GRID2: variants seen among roughly 807,000 people sequenced by gnomAD.
GRID2 encodes glutamate ionotropic receptor delta type subunit 2, also known as glutamate receptor ionotropic, delta-2.
A neutral mutation model predicts 114.8 loss-of-function variants in GRID2; 33 were observed. The observed-to-expected ratio is 0.29, with a 90% CI of 0.22 to 0.38. The LOEUF is 0.38. Ranked by LOEUF, GRID2 falls within the 10% of genes least tolerant of loss-of-function variation. The pLI is 1.00. For synonymous variants in GRID2, 505 were observed against 449.9 expected (o/e 1.12, Z -1.55); for missense variants, 1,184 against 1,257.7 (o/e 0.94, Z 0.89).
intron 13 of GRID2, among the ~76,000 whole-genome samples, chr4:93,527,195 T>A (rs748194489): frequency 2.6e-5 from 4 of 152,196 alleles, no homozygotes; most frequent in Non-Finnish European, 1.5e-5. Flanking sequence ...AGCATATCTT[T>A]CTGTTTTTAT....
chr4:93,266,060 A>C (rs958933864), intron 8 of GRID2, among the ~76,000 whole-genome samples: 2 of 152,028 alleles, frequency 1.3e-5, no homozygotes, highest in Admixed American at 1.3e-4. Context: ...GGGCACACAC[A>C]CTCCTACACA....
chr4:92,458,528 T>C (rs72661913), intron 1 of GRID2, among the ~76,000 whole-genome samples: 25,001 of 152,178 alleles, frequency 0.16, 2,502 homozygotes, highest in Middle Eastern at 0.24. Flanking sequence ...CCACCATTTT[T>C]TGTGTTTGTT....
At chr4:93,059,257 A>C (rs563242745) in intron 2 of GRID2, among the ~76,000 whole-genome samples, 38 of 152,296 alleles carry the variant, frequency 2.5e-4, no homozygotes, top group African/African-American at 9.1e-4. Flanking sequence ...AAAGGTTTCA[A>C]GATTTCTCCA....
At chr4:92,997,091 T>G (rs1178596028) in intron 2 of GRID2, among the ~76,000 whole-genome samples, 1 of 152,196 alleles carries the variant, frequency 6.6e-6, no homozygotes, top group Non-Finnish European at 1.5e-5. Context: ...TAAAATAATA[T>G]TTCTATATTC....
intron 10 of GRID2, among the ~76,000 whole-genome samples, chr4:93,425,285 G>A (rs1768730295): frequency 6.6e-6 from 1 of 152,092 alleles, no homozygotes; most frequent in Non-Finnish European, 1.5e-5. Flanking sequence ...ATTGATTTTT[G>A]CTTCAGTGGA....
chr4:92,623,266 T>C (rs1405822969), intron 2 of GRID2, among the ~76,000 whole-genome samples: 5 of 151,578 alleles, frequency 3.3e-5, no homozygotes, highest in African/African-American at 1.2e-4. Flanking sequence ...ATTAGAAAGT[T>C]CTGTACTAGC....
chr4:93,178,421 G>C (rs929832824), intron 4 of GRID2, among the ~76,000 whole-genome samples: 1 of 122,804 alleles, frequency 8.1e-6, no homozygotes, highest in South Asian at 2.6e-4. Context: ...CCAGAGAGAG[G>C]AATCTTGCTC....
intron 13 of GRID2, among the ~76,000 whole-genome samples, chr4:93,615,733 G>T (rs72670682): frequency 6.7e-6 from 1 of 148,428 alleles, no homozygotes; most frequent in South Asian, 2.1e-4. Context: ...TTATTGTTTC[G>T]TAGTAAAAAA....
rs185015602 is a variant in GRID2 at position 92,439,389 on chromosome 4, G to A, written c.88+134645G>A. Among the ~76,000 whole-genome samples the A allele has an allele frequency of 3.0e-4, 46 of 152,196 alleles. 1 individual carries two copies. In the East Asian group the frequency reaches 8.1e-3, roughly 27 times the overall value. ...CAGGGGTTGCAATGGCTTGGCTTGG[G>A]CTCAGAGGCCTGACATTCCCGCCTT... On this transcript the variant is annotated intron_variant, in intron 1 of 15. Coordinates refer to ENST00000282020, the MANE Select transcript of GRID2 (RefSeq NM_001510.4).
intron 12 of GRID2, among the ~76,000 whole-genome samples, chr4:93,494,366 GGAGA>G (rs780999229): frequency 4.0e-5 from 6 of 150,860 alleles, no homozygotes; most frequent in African/African-American, 1.5e-4. Flanking sequence ...TCAGTGAAGG[GGAGA>G]GAGAGAGAGA....
intron 8 of GRID2, among the ~76,000 whole-genome samples, chr4:93,325,179 T>C (rs907180981): frequency 6.6e-6 from 1 of 152,234 alleles, no homozygotes; most frequent in African/African-American, 2.4e-5. Flanking sequence ...CATTGAGTGC[T>C]ATAAATTTCC....
At chr4:93,524,503 G>A (rs1046130662) in intron 13 of GRID2, among the ~76,000 whole-genome samples, 2 of 151,514 alleles carry the variant, frequency 1.3e-5, no homozygotes, top group Admixed American at 6.6e-5. Flanking sequence ...TAGTAGAGTT[G>A]GATTTTTTTA....
At chr4:93,669,364 T>C (rs1724207887) in intron 14 of GRID2, among the ~76,000 whole-genome samples, 2 of 152,110 alleles carry the variant, frequency 1.3e-5, no homozygotes, top group Non-Finnish European at 2.9e-5. Context: ...TACCTTTTCA[T>C]ATTTAAAATA....
intron 12 of GRID2, among the ~76,000 whole-genome samples, chr4:93,508,981 GA>G (rs1316557693): frequency 6.6e-6 from 1 of 152,140 alleles, no homozygotes; most frequent in East Asian, 1.9e-4. Context: ...CTTATACTGT[GA>G]ATATGAGTAA....
intron 7 of GRID2, among the ~76,000 whole-genome samples, chr4:93,225,328 A>T (rs1196664072): frequency 6.6e-6 from 1 of 152,068 alleles, no homozygotes; most frequent in Non-Finnish European, 1.5e-5. Context: ...TGTTTGGCTT[A>T]GCTACCTGTT....
At chr4:92,598,945 C>T (rs549021817) in intron 2 of GRID2, among the ~76,000 whole-genome samples, 17 of 151,624 alleles carry the variant, frequency 1.1e-4, no homozygotes, top group Admixed American at 3.3e-4. Context: ...GCGTAGTCAG[C>T]GACATATTTT....
At chr4:92,533,216 A>G (rs536129666) in intron 1 of GRID2, among the ~76,000 whole-genome samples, 1 of 151,296 alleles carries the variant, frequency 6.6e-6, no homozygotes, top group African/African-American at 2.4e-5. Context: ...TTTTTTGAGA[A>G]ACTTTCACAA....
chr4:92,863,926 C>A (rs1481867633), intron 2 of GRID2, among the ~76,000 whole-genome samples: 1 of 152,056 alleles, frequency 6.6e-6, no homozygotes, highest in South Asian at 2.1e-4. Flanking sequence ...AAAGTCTCAG[C>A]CATTCAGTTC....
intron 2 of GRID2, among the ~76,000 whole-genome samples, chr4:92,876,283 TTTTATTTATTTA>T (rs34453618): frequency 1.1e-4 from 17 of 148,568 alleles, no homozygotes; most frequent in South Asian, 2.1e-4. Flanking sequence ...TTTTTTATTA[TTTTATTTATTTA>T]TTTATTTATT....
Sources: gnomAD v4.1 joint callset for allele counts (sites outside exome capture counted in the v4.1 genomes callset) on GRCh38, gnomAD v4.1.1 for gene constraint, MANE v1.5 for transcripts, NCBI Gene and HGNC (gene_info 2026-07-23, HGNC 2026-07-21) for gene names.